Variants in SDK1 observed in about 807,000 individuals in gnomAD.
SDK1 encodes the protein sidekick cell adhesion molecule 1.
Under a neutral mutation model 245.5 loss-of-function variants are expected in SDK1, and 157 were observed. The observed-to-expected ratio is 0.64, with a 90% CI of 0.56 to 0.73. SDK1 has a LOEUF of 0.73. Among genes scored for constraint, SDK1 ranks in the 30% least tolerant of loss-of-function variants. SDK1 has a pLI of 0.00. For missense variants in SDK1, 3,583 were observed against 3,002.3 expected, an observed-to-expected ratio of 1.19 and a Z score of -4.52; for synonymous variants, 1,647 against 1,278.5, an observed-to-expected ratio of 1.29 and a Z score of -6.15.
intron 4 of SDK1, among the ~76,000 whole-genome samples, chr7:3,719,048 G>T (rs1223984328): frequency 1.3e-5 from 2 of 152,098 alleles, no homozygotes; most frequent in Non-Finnish European, 2.9e-5. Context: ...TCATCCTAAT[G>T]CCTAAGTCCT....
intron 14 of SDK1, among the ~76,000 whole-genome samples, chr7:4,005,388 A>AGAG (rs1785393480): frequency 1.2e-5 from 1 of 81,646 alleles, no homozygotes; most frequent in Admixed American, 1.3e-4. Flanking sequence ...TTCTTTTCTT[A>AGAG]TGTGAGTGTG....
At chr7:3,580,613 A>T (rs1053112280) in intron 1 of SDK1, among the ~76,000 whole-genome samples, 2 of 152,076 alleles carry the variant, frequency 1.3e-5, no homozygotes, top group African/African-American at 4.8e-5. Flanking sequence ...TTTTTACACC[A>T]TGTAAAAAAA....
intron 2 of SDK1, among the ~76,000 whole-genome samples, chr7:3,630,387 T>C (rs578011542): frequency 3.3e-5 from 5 of 152,198 alleles, no homozygotes; most frequent in African/African-American, 1.2e-4. Flanking sequence ...GATAAGTGAG[T>C]TTAGCAACAT....
intron 35 of SDK1, 90 bp from the exon 36 acceptor site, chr7:4,205,789 G>C: frequency 9.7e-7 from 1 of 1,035,456 alleles, no homozygotes; most frequent in Admixed American, 2.0e-5. Flanking sequence ...CGGAATTAGG[G>C]CATGCTCGAG....
chr7:4,252,835 CT>C (rs1209212842), intron 44 of SDK1, among the ~76,000 whole-genome samples: 283 of 133,616 alleles, frequency 2.1e-3, no homozygotes, highest in African/African-American at 7.2e-3. Flanking sequence ...CCCCCCCCCT[CT>C]TTTTTTTTTT....
chr7:3,880,011 T>C (rs1210243310), intron 5 of SDK1, among the ~76,000 whole-genome samples: 1 of 152,088 alleles, frequency 6.6e-6, no homozygotes, highest in Non-Finnish European at 1.5e-5. Flanking sequence ...CTCAATGGCT[T>C]TATAATTTCC....
At chr7:4,205,797 G>C in intron 35 of SDK1, 82 bp from the exon 36 acceptor site, 6 of 1,116,374 alleles carry the variant, frequency 5.4e-6, no homozygotes, top group Middle Eastern at 2.7e-4. Context: ...GGGCATGCTC[G>C]AGCCCCATGG....
At chr7:4,235,045 G>A (rs905511296) in intron 41 of SDK1, among the ~76,000 whole-genome samples, 11 of 152,144 alleles carry the variant, frequency 7.2e-5, no homozygotes, top group Admixed American at 6.5e-4. Flanking sequence ...TTGGAGGAAC[G>A]ACCCTGTGCT....
At chr7:3,719,298 A>G (rs113072763) in intron 4 of SDK1, among the ~76,000 whole-genome samples, 2,293 of 151,276 alleles carry the variant, frequency 0.015, 28 homozygotes, top group Non-Finnish European at 0.021. Context: ...TCTCATTCTG[A>G]AATGTAGATG....
At chr7:3,345,885 A>G (rs1344695760) in intron 1 of SDK1, among the ~76,000 whole-genome samples, 2 of 152,188 alleles carry the variant, frequency 1.3e-5, no homozygotes, top group African/African-American at 2.4e-5. Flanking sequence ...CTGCCGTGAC[A>G]TTGGTAGTCA....
intron 28 of SDK1, 47 bp downstream of exon 28, chr7:4,132,470 C>A: frequency 1.4e-6 from 2 of 1,413,046 alleles, no homozygotes; most frequent in Non-Finnish European, 2.0e-6. Context: ...GCCTGTCATC[C>A]CAGCACCTTG....
chr7:3,606,733 G>A (rs1175525359), intron 1 of SDK1, among the ~76,000 whole-genome samples: 4 of 151,950 alleles, frequency 2.6e-5, no homozygotes, highest in Non-Finnish European at 4.4e-5. Flanking sequence ...GTTGAAAATT[G>A]CCACTTCTTC....
chr7:3,672,759 T>TATATACATA (rs1554307103), intron 4 of SDK1, among the ~76,000 whole-genome samples: 1 of 50,744 alleles, frequency 2.0e-5, no homozygotes, highest in African/African-American at 8.7e-5. Context: ...ATATATAATT[T>TATATACATA]TATATATATA....
At chr7:4,219,196 C>T (rs759305456) in intron 38 of SDK1, among the ~76,000 whole-genome samples, 1 of 152,198 alleles carries the variant, frequency 6.6e-6, no homozygotes, top group Non-Finnish European at 1.5e-5. Flanking sequence ...AGATGAAGTT[C>T]TTATGACTCA....
At chr7:4,190,797 C>G (rs1017739102) in intron 35 of SDK1, among the ~76,000 whole-genome samples, 14 of 152,348 alleles carry the variant, frequency 9.2e-5, no homozygotes, top group South Asian at 4.1e-4. Flanking sequence ...GTGATAGGAG[C>G]AGCTTCTCAG....
chr7:3,839,122 C>CT (rs1780096184), intron 5 of SDK1, among the ~76,000 whole-genome samples: 1 of 152,202 alleles, frequency 6.6e-6, no homozygotes, highest in Non-Finnish European at 1.5e-5. Flanking sequence ...TGGGATGGAT[C>CT]CGCCTGAGAA....
chr7:3,321,393 C>T (rs986812283), intron 1 of SDK1, among the ~76,000 whole-genome samples: 1 of 152,118 alleles, frequency 6.6e-6, no homozygotes, highest in Non-Finnish European at 1.5e-5. Flanking sequence ...GAACTTTGTC[C>T]TGTTGTACTA....
chr7:3,662,010 T>G (rs868456886), intron 4 of SDK1, among the ~76,000 whole-genome samples: 1 of 151,300 alleles, frequency 6.6e-6, no homozygotes, highest in South Asian at 2.1e-4. Flanking sequence ...CTTACTCAAA[T>G]GTTTCAAATA....
At chr7:3,479,126 T>A (rs1419818569) in intron 1 of SDK1, among the ~76,000 whole-genome samples, 1 of 152,034 alleles carries the variant, frequency 6.6e-6, no homozygotes, top group Non-Finnish European at 1.5e-5. Context: ...CATAAGCATA[T>A]CTATTGTTCA....
Sources: gnomAD v4.1 joint callset for allele counts (sites outside exome capture counted in the v4.1 genomes callset) on GRCh38, gnomAD v4.1.1 for gene constraint, MANE v1.5 for transcripts, NCBI Gene and HGNC (gene_info 2026-07-23, HGNC 2026-07-21) for gene names.